Variants in TBC1D32 observed in about 807,000 individuals in gnomAD.
TBC1D32 encodes the protein protein broad-minded.
In TBC1D32, 151 loss-of-function variants were observed where a neutral mutation model predicts 170.3. The observed-to-expected ratio is 0.89, with a 90% CI of 0.78 to 1.01. The LOEUF (loss-of-function observed/expected upper bound fraction) is 1.01. TBC1D32 is among the 50% of genes least tolerant of loss of function. The pLI, the probability that TBC1D32 is intolerant of heterozygous loss-of-function variation, is 0.00. For missense variants in TBC1D32, 1,464 were observed against 1,457.1 expected (o/e 1.00, Z -0.08); for synonymous variants, 498 against 488.0 (o/e 1.02, Z -0.27).
At chr6:121,157,471 C>G (rs544711105) in intron 24 of TBC1D32, among the ~76,000 whole-genome samples, 3 of 152,114 alleles carry the variant, frequency 2.0e-5, no homozygotes, top group Non-Finnish European at 4.4e-5. Context: ...CCACTCTATG[C>G]TTTTTAAGTG....
At chr6:121,216,779 A>C (rs928919122) in intron 21 of TBC1D32, among the ~76,000 whole-genome samples, 2 of 152,200 alleles carry the variant, frequency 1.3e-5, no homozygotes, top group African/African-American at 4.8e-5. Context: ...TCCTGGCTTC[A>C]GAAGAAGATA....
At chr6:121,207,181 CTT>C (rs1300480038) in intron 21 of TBC1D32, among the ~76,000 whole-genome samples, 9 of 152,108 alleles carry the variant, frequency 5.9e-5, no homozygotes, top group Non-Finnish European at 2.9e-5. Flanking sequence ...AATCATTATA[CTT>C]CTTGTACCTG....
At chr6:121,087,551 A>C (rs1189869359) in intron 31 of TBC1D32, among the ~76,000 whole-genome samples, 1 of 152,218 alleles carries the variant, frequency 6.6e-6, no homozygotes, top group Admixed American at 6.5e-5. Flanking sequence ...TGAAATTTAA[A>C]TCAGGAAAAG....
intron 17 of TBC1D32, among the ~76,000 whole-genome samples, chr6:121,248,532 T>G (rs1157547169): frequency 1.3e-5 from 2 of 151,636 alleles, no homozygotes; most frequent in Non-Finnish European, 3.0e-5. Context: ...AAAGCTAGTT[T>G]TCTGAAAAGA....
At chr6:121,199,717 TA>T (rs1303461649) in intron 22 of TBC1D32, among the ~76,000 whole-genome samples, 7 of 151,216 alleles carry the variant, frequency 4.6e-5, no homozygotes, top group East Asian at 1.9e-4. Context: ...TTTCTGATAT[TA>T]AAAAAAGATT....
chr6:121,210,411 C>G (rs1299777340), intron 21 of TBC1D32, among the ~76,000 whole-genome samples: 3 of 152,174 alleles, frequency 2.0e-5, no homozygotes, highest in African/African-American at 7.2e-5. Flanking sequence ...ACTATAATAT[C>G]TTACTGACGG....
At chr6:121,169,115 A>T (rs1252025576) in intron 22 of TBC1D32, among the ~76,000 whole-genome samples, 1 of 152,224 alleles carries the variant, frequency 6.6e-6, no homozygotes, top group Non-Finnish European at 1.5e-5. Flanking sequence ...AGCCAACACA[A>T]TCTTAAGCAA....
At chr6:121,275,661 G>A (rs1802112311) in intron 15 of TBC1D32, among the ~76,000 whole-genome samples, 1 of 152,152 alleles carries the variant, frequency 6.6e-6, no homozygotes, top group Non-Finnish European at 1.5e-5. Context: ...CTGCTGGCAA[G>A]AAGGTAAAAT....
chr6:121,209,971 A>G lies in TBC1D32; in HGVS notation c.2482-4808T>C, dbSNP rs569872053. On this transcript the variant is annotated intron_variant, in intron 21 of 31. Coordinates refer to ENST00000398212, the MANE Select transcript of TBC1D32 (RefSeq NM_152730.6). ...CTACCTAATACAATACCATGTTTACACATCATTATCGTAGAGCTGGATGGT... is the reference window on the plus strand; with the variant it reads ...CTACCTAATACAATACCATGTTTACGCATCATTATCGTAGAGCTGGATGGT... Among the ~76,000 whole-genome samples, 9 of 152,344 alleles carry G rather than the reference A, an allele frequency of 5.9e-5. No individual in the cohort carries two copies. In the South Asian group the frequency reaches 1.9e-3, roughly 32 times the overall value.
chr6:121,126,273 T>G, intron 26 of TBC1D32, 105 bp downstream of exon 26: 2 of 759,756 alleles, frequency 2.6e-6, no homozygotes, highest in South Asian at 3.9e-5. Flanking sequence ...AGTAAGAGAT[T>G]GTTAGGATGA....
chr6:121,276,683 A>T (rs73526653), intron 15 of TBC1D32, among the ~76,000 whole-genome samples: 7,733 of 152,264 alleles, frequency 0.051, 372 homozygotes, highest in African/African-American at 0.12. Context: ...ATAAAGACGA[A>T]GATAAATTAA....
chr6:121,179,400 C>A (rs73540546), intron 22 of TBC1D32, among the ~76,000 whole-genome samples: 6,012 of 149,346 alleles, frequency 0.04, 343 homozygotes, highest in African/African-American at 0.12. Context: ...AACATACCAG[C>A]AATAACCAAT....
At chr6:121,304,906 C>A in intron 5 of TBC1D32, 73 bp from the exon 6 acceptor site, 2 of 965,872 alleles carry the variant, frequency 2.1e-6, no homozygotes, top group Admixed American at 2.3e-5. Context: ...ATTTTTCACA[C>A]AGTAAAAACT....
intron 26 of TBC1D32, among the ~76,000 whole-genome samples, chr6:121,119,249 T>C (rs1275956439): frequency 1.3e-5 from 2 of 152,192 alleles, no homozygotes; most frequent in Non-Finnish European, 2.9e-5. Context: ...TACCTTACTA[T>C]ATGCTGCAAT....
Position 121,193,446 on chromosome 6 carries a change from A to G in TBC1D32, c.2570+11629T>C, listed in dbSNP as rs569109043. Among the ~76,000 whole-genome samples the G allele has an allele frequency of 4.3e-4, 65 of 152,300 alleles. 1 individual carries two copies. Among genetic ancestry groups the G allele is most frequent in the African/African-American group, 1.5e-3 (64 of 41,574 alleles). On this transcript the variant is annotated intron_variant, in intron 22 of 31. Transcript: ENST00000398212. Reference sequence around the variant, plus strand: ...CCTTGACCACTGCCTTGTGAAATAGATTTGAGGGCTGCACCTGAATCTTTG... The same window carrying G: ...CCTTGACCACTGCCTTGTGAAATAGGTTTGAGGGCTGCACCTGAATCTTTG...
At chr6:121,235,699 G>A (rs1796251607) in intron 20 of TBC1D32, among the ~76,000 whole-genome samples, 1 of 152,188 alleles carries the variant, frequency 6.6e-6, no homozygotes, top group Admixed American at 6.5e-5. Flanking sequence ...AAAGCAAGCA[G>A]ACTCAGTTTT....
intron 22 of TBC1D32, chr6:121,170,281 T>C (rs982142064): frequency 5.1e-6 from 5 of 986,676 alleles, no homozygotes; most frequent in Non-Finnish European, 5.7e-6. Context: ...TTGTATTCTG[T>C]TATTTAAATT....
intron 15 of TBC1D32, among the ~76,000 whole-genome samples, chr6:121,261,580 C>T (rs1052019576): frequency 1.1e-4 from 17 of 152,138 alleles, no homozygotes; most frequent in African/African-American, 3.1e-4. Context: ...AAAGCTACAA[C>T]AACAGCATCA....
At chr6:121,272,940 T>A (rs573053098) in intron 15 of TBC1D32, among the ~76,000 whole-genome samples, 1 of 151,964 alleles carries the variant, frequency 6.6e-6, no homozygotes, top group African/African-American at 2.4e-5. Context: ...TAAAAACGGA[T>A]GAGTTCATGT....
Sources: allele counts gnomAD v4.1 joint callset (sites outside exome capture counted in the v4.1 genomes callset), GRCh38; gene constraint gnomAD v4.1.1; transcripts MANE v1.5; gene names NCBI Gene and HGNC (gene_info 2026-07-23, HGNC 2026-07-21).